Variants in SEC22C observed in about 807,000 individuals in gnomAD.
The protein encoded by SEC22C is vesicle-trafficking protein SEC22c.
In SEC22C, 29 loss-of-function variants were observed where a neutral mutation model predicts 34.7. The ratio of observed to expected loss-of-function variants is 0.84; its 90% CI spans 0.62 to 1.14. The LOEUF (loss-of-function observed/expected upper bound fraction) is 1.14. SEC22C is among the 50% of genes most tolerant of loss of function. The pLI, the probability that SEC22C is intolerant of heterozygous loss-of-function variation, is 0.00. For missense variants in SEC22C, 337 were observed against 369.0 expected (o/e 0.91, Z 0.71); for synonymous variants, 117 against 132.8 (o/e 0.88, Z 0.82).
intron 2 of SEC22C, chr3:42,566,714 C>A: frequency 1.6e-5 from 3 of 187,800 alleles, no homozygotes; most frequent in African/African-American, 2.4e-5. Flanking sequence ...TCAAGGAGAA[C>A]AAAAGGGTGC....
At chr3:42,596,464 A>C (rs2125743563) in intron 1 of SEC22C, among the ~76,000 whole-genome samples, 1 of 152,324 alleles carries the variant, frequency 6.6e-6, no homozygotes, top group South Asian at 2.1e-4. Context: ...ATTACCTGAA[A>C]ATTCGTACTA....
At position 42,563,588 on chromosome 3, in the gene SEC22C, A is replaced by G; in HGVS notation, c.281T>C (p.Phe94Ser). 1 of 1,614,206 alleles carries G rather than the reference A, an allele frequency of 6.2e-7. No individual in the cohort carries two copies. Among genetic ancestry groups the G allele is most frequent in the South Asian group, 1.1e-5 (1 of 91,084 alleles). The change falls in exon 3 of 7, where the codon TTC (phenylalanine) becomes TCC (serine). Residue 94 changes from phenylalanine to serine, a missense_variant. Phe to Ser is a radical substitution (Grantham distance 155, BLOSUM62 -2). Coordinates refer to ENST00000264454, the MANE Select transcript of SEC22C (RefSeq NM_032970.4). Reference sequence around the variant, plus strand: ...GCAGGTAGTGTCATAGGAAGCTGTGAATTCCCACCACAGGGTCTCCAGGAA... The same window carrying G: ...GCAGGTAGTGTCATAGGAAGCTGTGGATTCCCACCACAGGGTCTCCAGGAA... ...FCFLETLWWE[F>S]TASYDTTCIG... is the part of the protein sequence containing the mutation.
chr3:42,562,119 G>C (rs954825654), intron 3 of SEC22C, among the ~76,000 whole-genome samples: 2 of 152,086 alleles, frequency 1.3e-5, no homozygotes, highest in Non-Finnish European at 2.9e-5. Flanking sequence ...TATCACATCT[G>C]AACAGTTCTT....
At position 42,557,742 on chromosome 3, in the gene SEC22C, C is replaced by T. The variant is rs2271185; in HGVS notation, c.527-46G>A. On this transcript the variant is annotated intron_variant, in intron 4 of 6. Coordinates refer to ENST00000264454, the MANE Select transcript of SEC22C (RefSeq NM_032970.4). ...AAGTGTCTAGTGTAAGTAATTTCTA[C>T]ATGAAAGAAAAATAAACGAAGACAT... The T allele has an allele frequency of 0.37, 350,736 of 956,058 alleles. 71,877 individuals are homozygous for T. Among genetic ancestry groups the T allele is most frequent in the African/African-American group, 0.73 (43,981 of 60,606 alleles). 59.2% of individuals were successfully genotyped at this position (956,058 alleles called of 1,614,324 possible).
At chr3:42,554,996 CAAA>C (rs36073859) in intron 6 of SEC22C, among the ~76,000 whole-genome samples, 8 of 151,184 alleles carry the variant, frequency 5.3e-5, no homozygotes, top group South Asian at 4.2e-4. Context: ...ACAACAACAA[CAAA>C]AAAATCAGCA....
At chr3:42,583,564 A>C (rs1704505522), upstream of SEC22C, among the ~76,000 whole-genome samples, 1 of 152,178 alleles carries the variant, frequency 6.6e-6, no homozygotes, top group South Asian at 2.1e-4. Context: ...TGCGATGATT[A>C]GTTTTAGATG....
In SEC22C at chr3:42,589,120, T is replaced by A. The variant is rs987228453; in HGVS notation, c.-28+11840A>T. On this transcript the variant is annotated intron_variant, in intron 1 of 6. Coordinates refer to the SEC22C transcript ENST00000417572. ...TCTACTAAAGATACAAAAAAAAAAA[T>A]TAGCCGGGTGTGGTGGCAGGCACCT... Among the ~76,000 whole-genome samples the A allele has an allele frequency of 2.0e-5, 3 of 148,866 alleles. No homozygotes were observed. The South Asian group carries it at 6.5e-4, about 32-fold the overall frequency.
At chr3:42,568,792 G>C in intron 2 of SEC22C, 73 bp downstream of exon 2, 1 of 1,255,506 alleles carries the variant, frequency 8.0e-7, no homozygotes, top group Non-Finnish European at 1.1e-6. Flanking sequence ...ATCAGCATAA[G>C]ATTATCACTA....
chr3:42,557,479 T>G (rs1484890303), intron 5 of SEC22C, 99 bp downstream of exon 5: 2 of 521,112 alleles, frequency 3.8e-6, no homozygotes, highest in Non-Finnish European at 6.8e-6. Context: ...TTTTGAAAAA[T>G]TATAAAACCT....
Position 42,548,908 on chromosome 3 carries a change from GTATT to G in SEC22C, c.*4336_*4339del. 1 of 1,319,122 alleles carries G rather than the reference GTATT, an allele frequency of 7.6e-7. No homozygotes were observed. The highest frequency in any genetic ancestry group is 2.1e-5 in the South Asian group (1 of 48,080). The allele number at this position is 1,319,122 out of a possible 1,614,324, so 81.7% of individuals were successfully genotyped here. ...CTCCCACACACAATGGACTCACCCA[GTATT>G]ACCCTCCACTACCACTTTTGACCCT... On this transcript the variant is annotated 3_prime_UTR_variant, in exon 7 of 7. Coordinates refer to ENST00000264454, the MANE Select transcript of SEC22C (RefSeq NM_032970.4).
Position 42,552,426 on chromosome 3 carries a change from G to A in SEC22C, c.*822C>T. 1 of 985,378 alleles carries A rather than the reference G, an allele frequency of 1.0e-6. No homozygotes were observed. Among genetic ancestry groups the A allele is most frequent in the Non-Finnish European group, 1.2e-6 (1 of 829,910 alleles). The allele number at this position is 985,378 out of a possible 1,614,324, so 61.0% of individuals were successfully genotyped here. Reference sequence around the variant, plus strand: ...ATCCATGTTCATTCACCTACTCCAGGTTGTGGTCAATTGTAAGTAATCCTG... The same window carrying A: ...ATCCATGTTCATTCACCTACTCCAGATTGTGGTCAATTGTAAGTAATCCTG... On this transcript the variant is annotated 3_prime_UTR_variant, in exon 7 of 7. Transcript: ENST00000264454.
chr3:42,570,771 G>T (rs936730827), intron 1 of SEC22C, among the ~76,000 whole-genome samples: 1 of 152,010 alleles, frequency 6.6e-6, no homozygotes, highest in Admixed American at 6.6e-5. Context: ...CTATACTTTC[G>T]TAAGTATTTG....
At chr3:42,577,555 A>C (rs150966458) in intron 1 of SEC22C, among the ~76,000 whole-genome samples, 58 of 152,360 alleles carry the variant, frequency 3.8e-4, no homozygotes, top group Middle Eastern at 3.4e-3. Context: ...GACCCCAATG[A>C]GATAATACTA....
In SEC22C at chr3:42,564,979, A is replaced by G. The variant is rs566704219; in HGVS notation, c.183-1293T>C. Among the ~76,000 whole-genome samples the G allele has an allele frequency of 5.1e-3, 776 of 152,178 alleles. 7 individuals are homozygous for G. Among genetic ancestry groups the G allele is most frequent in the African/African-American group, 0.018 (744 of 41,520 alleles). On this transcript the variant is annotated intron_variant, in intron 2 of 6. Transcript: ENST00000264454. Reference sequence around the variant, plus strand: ...CTCTATGTTGCCCAGGCTGGTCTCGAACCACTGGGCTCAAGCAATCTGCCT... The same window carrying G: ...CTCTATGTTGCCCAGGCTGGTCTCGGACCACTGGGCTCAAGCAATCTGCCT...
intron 4 of SEC22C, among the ~76,000 whole-genome samples, chr3:42,560,503 C>T (rs1702834928): frequency 6.7e-6 from 1 of 148,858 alleles, no homozygotes; most frequent in Admixed American, 6.7e-5. Context: ...ATGGTGAAAC[C>T]TTGTCTCTAT....
At chr3:42,599,657 A>T (rs1253202020) in intron 1 of SEC22C, among the ~76,000 whole-genome samples, 1 of 150,738 alleles carries the variant, frequency 6.6e-6, no homozygotes, top group Non-Finnish European at 1.5e-5. Flanking sequence ...CCGCCACTGC[A>T]CTCCAGCCTG....
At chr3:42,581,708 C>T in intron 1 of SEC22C, 138 bp downstream of exon 1, 1 of 152,684 alleles carries the variant, frequency 6.5e-6, no homozygotes, top group Non-Finnish European at 1.5e-5. Context: ...CCGTGGGGAG[C>T]CCCATGGTCA....
upstream of SEC22C, among the ~76,000 whole-genome samples, chr3:42,584,513 C>T (rs1195094460): frequency 6.6e-6 from 1 of 152,222 alleles, no homozygotes; most frequent in Non-Finnish European, 1.5e-5. Flanking sequence ...GCCTTGGCCT[C>T]CCTAAGTGCT....
At chr3:42,594,275 A>C in intron 1 of SEC22C, 1 of 632,724 alleles carries the variant, frequency 1.6e-6, no homozygotes, top group South Asian at 2.1e-5. Context: ...TATTTTCCTT[A>C]AATATGTTAA....
Sources: allele counts gnomAD v4.1 joint callset (sites outside exome capture counted in the v4.1 genomes callset), GRCh38; gene constraint gnomAD v4.1.1; transcripts MANE v1.5; gene names NCBI Gene and HGNC (gene_info 2026-07-23, HGNC 2026-07-21).